Variants in UGT1A7 observed in about 807,000 individuals in gnomAD.
UGT1A7 encodes UDP-glucuronosyltransferase 1A7.
Under a neutral mutation model 45.6 loss-of-function variants are expected in UGT1A7, and 33 were observed. The ratio of observed to expected loss-of-function variants is 0.72; its 90% CI spans 0.55 to 0.97. UGT1A7 has a LOEUF of 0.97. Ranked by LOEUF, UGT1A7 falls within the 50% of genes least tolerant of loss-of-function variation. The probability of loss-of-function intolerance (pLI) is 0.00; values close to 1 mark genes in which losing one functional copy is unlikely to be tolerated. For missense variants in UGT1A7, 684 were observed against 666.2 expected, an observed-to-expected ratio of 1.03 and a Z score of -0.29; for synonymous variants, 274 against 250.6, an observed-to-expected ratio of 1.09 and a Z score of -0.88.
At chr2:233,743,343 C>T in intron 1 of UGT1A7, 5 of 866,282 alleles carry the variant, frequency 5.8e-6, no homozygotes, top group South Asian at 1.4e-5. Context: ...CAGTGGAAGT[C>T]GACATGGACT....
Position 233,736,954 on chromosome 2 carries a change from C to T in UGT1A7, c.856-30080C>T, listed in dbSNP as rs1375491683. On this transcript the variant is annotated intron_variant, in intron 1 of 4. Coordinates refer to ENST00000373426, the MANE Select transcript of UGT1A7 (RefSeq NM_019077.3). The stretch of plus-strand genomic sequence containing the variant: ...CCACCTATATGAGGTGTCTGTTGGC[C>T]CCTACTGGGAGGTGTTTCCCAGTCA... Among the ~76,000 whole-genome samples, 8 of 152,168 alleles carry T rather than the reference C, an allele frequency of 5.3e-5. No homozygotes were observed. The East Asian group carries it at 1.3e-3, about 26-fold the overall frequency.
intron 1 of UGT1A7, among the ~76,000 whole-genome samples, chr2:233,705,201 A>C (rs1219685383): frequency 1.3e-5 from 2 of 151,986 alleles, no homozygotes; most frequent in Non-Finnish European, 2.9e-5. Flanking sequence ...TGCCTTTTAT[A>C]ACTACATGAT....
chr2:233,724,740 T>G (rs2077303271), intron 1 of UGT1A7, among the ~76,000 whole-genome samples: 1 of 140,730 alleles, frequency 7.1e-6, no homozygotes, highest in South Asian at 2.6e-4. Flanking sequence ...GAGGGGCTCC[T>G]CACATCCCAG....
At chr2:233,693,818 G>A (rs766165182) in intron 1 of UGT1A7, 1 of 1,614,200 alleles carries the variant, frequency 6.2e-7, no homozygotes, top group East Asian at 2.2e-5. Context: ...GCCCAACATG[G>A]TCTTCATTGG....
intron 1 of UGT1A7, chr2:233,755,272 T>C (rs1695839667): frequency 2.6e-6 from 2 of 758,302 alleles, no homozygotes. Context: ...TCCACTATGC[T>C]GGACTGCCAA....
chr2:233,717,042 C>T (rs1248182808), intron 1 of UGT1A7, among the ~76,000 whole-genome samples: 1 of 152,164 alleles, frequency 6.6e-6, no homozygotes, highest in African/African-American at 2.4e-5. Context: ...GATACATGGG[C>T]CTCCGCAGGG....
chr2:233,695,585 C>T (rs1169249848), intron 1 of UGT1A7, among the ~76,000 whole-genome samples: 1 of 151,918 alleles, frequency 6.6e-6, no homozygotes, highest in African/African-American at 2.4e-5. Flanking sequence ...CCTACTTACC[C>T]TTTCCACCTT....
At chr2:233,742,247 A>G (rs748626852) in intron 1 of UGT1A7, among the ~76,000 whole-genome samples, 6 of 152,004 alleles carry the variant, frequency 3.9e-5, no homozygotes, top group Non-Finnish European at 7.3e-5. Context: ...ATTTACCCAC[A>G]TATTTATTGA....
chr2:233,688,139 G>T (rs1441880155), intron 1 of UGT1A7, among the ~76,000 whole-genome samples: 2 of 152,074 alleles, frequency 1.3e-5, no homozygotes, highest in Non-Finnish European at 2.9e-5. Flanking sequence ...CTTTCTGTCT[G>T]TATGGATTTG....
At chr2:233,721,606 C>T (rs1043491978) in intron 1 of UGT1A7, 10 of 177,852 alleles carry the variant, frequency 5.6e-5, no homozygotes, top group Middle Eastern at 2.3e-3. Flanking sequence ...GGTTTAGGAA[C>T]AATTTGTTCC....
intron 1 of UGT1A7, chr2:233,750,809 A>C (rs893471705): frequency 1.3e-5 from 2 of 151,828 alleles, no homozygotes; most frequent in African/African-American, 4.9e-5. Context: ...AGGTTTGGGA[A>C]CCTCCACATA....
At chr2:233,764,567 G>A (rs1310538826) in intron 1 of UGT1A7, among the ~76,000 whole-genome samples, 3 of 152,182 alleles carry the variant, frequency 2.0e-5, no homozygotes, top group Admixed American at 6.5e-5. Context: ...GCCTGGAGGA[G>A]AACTTAGACT....
chr2:233,745,337 C>G lies in UGT1A7; in HGVS notation c.856-21697C>G, dbSNP rs1050113231. Reference sequence around the variant, plus strand: ...TCCACTAGAACTGCTATATCATGACCATGAATTTTGGGGGAATTTTTTTGA... The same window carrying G: ...TCCACTAGAACTGCTATATCATGACGATGAATTTTGGGGGAATTTTTTTGA... On this transcript the variant is annotated intron_variant, in intron 1 of 4. Coordinates refer to ENST00000373426, the MANE Select transcript of UGT1A7 (RefSeq NM_019077.3). 2.3e-4 allele frequency among the ~76,000 whole-genome samples: 35 copies of G among 151,944 alleles called. 1 individual carries two copies. Among genetic ancestry groups the G allele is most frequent in the African/African-American group, 8.2e-4 (34 of 41,228 alleles).
chr2:233,719,033 A>G, intron 1 of UGT1A7: 2 of 1,614,270 alleles, frequency 1.2e-6, no homozygotes, highest in Admixed American at 1.7e-5. Context: ...ACATCAAAGA[A>G]GAGAAATTTT....
chr2:233,725,993 G>C (rs28899191), intron 1 of UGT1A7, among the ~76,000 whole-genome samples: 10,378 of 151,980 alleles, frequency 0.068, 500 homozygotes, highest in East Asian at 0.2. Flanking sequence ...TGCTGAGACT[G>C]CATCTCTACA....
chr2:233,690,197 T>G (rs1274270744), intron 1 of UGT1A7, among the ~76,000 whole-genome samples: 3 of 152,264 alleles, frequency 2.0e-5, no homozygotes, highest in African/African-American at 7.2e-5. Flanking sequence ...AAAATATTCA[T>G]AAATTCAATG....
chr2:233,719,298 G>T, intron 1 of UGT1A7: 1 of 1,613,992 alleles, frequency 6.2e-7, no homozygotes, highest in Admixed American at 1.7e-5. Flanking sequence ...CTGTGGGGCG[G>T]TGCTGGCTAA....
intron 3 of UGT1A7, 57 bp downstream of exon 3, chr2:233,767,993 T>G (rs2126036231): frequency 1.2e-6 from 2 of 1,614,180 alleles, no homozygotes; most frequent in Admixed American, 3.3e-5. Flanking sequence ...AGAAAATGGC[T>G]TAAGCACAGC....
intron 1 of UGT1A7, chr2:233,747,324 T>G: frequency 1.2e-6 from 2 of 1,603,244 alleles, no homozygotes; most frequent in Non-Finnish European, 1.7e-6. Context: ...TACCCATTGA[T>G]GGCAGCCACT....
Sources: gnomAD v4.1 joint callset for allele counts (sites outside exome capture counted in the v4.1 genomes callset) on GRCh38, gnomAD v4.1.1 for gene constraint, MANE v1.5 for transcripts, NCBI Gene and HGNC (gene_info 2026-07-23, HGNC 2026-07-21) for gene names.